Variants in AP3D1 observed in about 807,000 individuals in gnomAD.
AP3D1 encodes the protein adaptor related protein complex 3 subunit delta 1, also known as AP-3 complex subunit delta-1.
Under a neutral mutation model 147.6 loss-of-function variants are expected in AP3D1, and 51 were observed. The ratio of observed to expected loss-of-function variants is 0.35; its 90% CI spans 0.28 to 0.44. The LOEUF (loss-of-function observed/expected upper bound fraction) is 0.44, where lower values mean the gene tolerates loss of function less well. Among genes scored for constraint, AP3D1 ranks in the 20% least tolerant of loss-of-function variants. The pLI, the probability that AP3D1 is intolerant of heterozygous loss-of-function variation, is 1.00. For synonymous variants in AP3D1, 760 were observed against 663.0 expected (o/e 1.15, Z -2.25); for missense variants, 1,421 against 1,624.2 (o/e 0.87, Z 2.15).
At position 2,111,961 on chromosome 19, in the gene AP3D1, C is replaced by T. The variant is rs1219780877; in HGVS notation, c.2788-133G>A. 1.6e-5 allele frequency: 23 copies of T among 1,423,232 alleles called. No homozygotes were observed. In the East Asian group the frequency reaches 5.1e-4, roughly 32 times the overall value. 88.2% of individuals were successfully genotyped at this position (1,423,232 alleles called of 1,614,324 possible). A position where few individuals can be genotyped will look rare whatever the true frequency, so the allele number is the denominator to read the frequency against. On this transcript the variant is annotated intron_variant, in intron 24 of 31. Coordinates refer to ENST00000643116, the MANE Select transcript of AP3D1 (RefSeq NM_001261826.3). ...TGCCTGGGTGGGATGGCAGGACCAG[C>T]CACGCCTCAGGCCTACCGGGACAAG...
At chr19:2,145,725 C>T (rs989387138) in intron 1 of AP3D1, among the ~76,000 whole-genome samples, 1 of 152,176 alleles carries the variant, frequency 6.6e-6, no homozygotes, top group African/African-American at 2.4e-5. Context: ...ACATGCCCCT[C>T]CAGGACCCAC....
chr19:2,152,796 AACC>A (rs1368546060), upstream of AP3D1, among the ~76,000 whole-genome samples: 13 of 151,738 alleles, frequency 8.6e-5, 1 homozygote. Flanking sequence ...GAATCTCTTG[AACC>A]CAGGAGGCAG....
At chr19:2,158,639 CTT>C (rs1412831844) in intron 1 of AP3D1, among the ~76,000 whole-genome samples, 1 of 150,394 alleles carries the variant, frequency 6.6e-6, no homozygotes, top group African/African-American at 2.5e-5. Context: ...GAGATTCGCT[CTT>C]GTCACCCAGG....
upstream of AP3D1, among the ~76,000 whole-genome samples, chr19:2,152,093 A>C (rs1431938694): frequency 6.6e-6 from 1 of 152,270 alleles, no homozygotes; most frequent in Non-Finnish European, 1.5e-5. Context: ...AAATGAGGCC[A>C]GAGACAGGAC....
chr19:2,142,768 C>CT (rs2019255806), intron 1 of AP3D1, among the ~76,000 whole-genome samples: 19 of 141,680 alleles, frequency 1.3e-4, no homozygotes, highest in African/African-American at 5.0e-4. Context: ...TTTTTTTTTT[C>CT]TTTTTTTATT....
chr19:2,131,749 G>A (rs1429101987), intron 5 of AP3D1, among the ~76,000 whole-genome samples: 5 of 127,084 alleles, frequency 3.9e-5, no homozygotes, highest in Admixed American at 2.3e-4. Flanking sequence ...CATCGGCCAC[G>A]ATCTAGACAC....
chr19:2,147,894 A>G (rs1388454726), intron 1 of AP3D1, among the ~76,000 whole-genome samples: 3 of 144,924 alleles, frequency 2.1e-5, no homozygotes, highest in African/African-American at 7.7e-5. Context: ...AAAAAAAAAA[A>G]GAAAAAAAGG....
upstream of AP3D1, among the ~76,000 whole-genome samples, chr19:2,155,147 C>T (rs2019634766): frequency 6.6e-6 from 1 of 151,998 alleles, no homozygotes; most frequent in Non-Finnish European, 1.5e-5. Context: ...CGCCATTGCA[C>T]TCCAGCCTGG....
At position 2,105,694 on chromosome 19, in the gene AP3D1, C is replaced by T. The variant is rs112815790; in HGVS notation, c.3552+2993G>A. ...GTGTGAGTGTCTTTAATTCCTCTAG[C>T]GCCACTGGGTTAGGGTCTCCCTGAC... On this transcript the variant is annotated intron_variant, in intron 31 of 31. Coordinates refer to ENST00000643116, the MANE Select transcript of AP3D1 (RefSeq NM_001261826.3). 6.6e-5 allele frequency among the ~76,000 whole-genome samples: 10 copies of T among 152,246 alleles called. 1 individual carries two copies. Among genetic ancestry groups the T allele is most frequent in the Non-Finnish European group, 1.0e-4 (7 of 68,018 alleles).
In AP3D1 at chr19:2,116,623, G is replaced by A. The variant is rs758304730; in HGVS notation, c.1983C>T (p.Asp661=). Residue 661 remains aspartate (D), a synonymous_variant, in exon 17 of 32, where the codon GAC becomes GAT. Coordinates refer to ENST00000643116, the MANE Select transcript of AP3D1 (RefSeq NM_001261826.3). ...RRPKHRPSEA[D]EEELARRREA... is the part of the protein sequence containing the mutation. ...AGCTCACCCGAGCCAGCTCTTCCTC[G>A]TCCGCCTCCGACGGCCGGTGCTTGG... 1.6e-5 allele frequency: 26 copies of A among 1,598,112 alleles called. No homozygotes were observed. The highest frequency in any genetic ancestry group is 9.4e-5 in the African/African-American group (7 of 74,708).
chr19:2,110,115 G>T (rs199856286), intron 28 of AP3D1, 21 bp downstream of exon 28: 3 of 1,609,438 alleles, frequency 1.9e-6, no homozygotes, highest in Non-Finnish European at 1.7e-6. Context: ...GCTCTTCAAC[G>T]CCAAGTGGAG....
intron 8 of AP3D1, among the ~76,000 whole-genome samples, chr19:2,127,699 A>AT (rs1015952094): frequency 6.6e-6 from 1 of 152,012 alleles, no homozygotes; most frequent in African/African-American, 2.4e-5. Flanking sequence ...TAATTTTTGT[A>AT]TTTTTTAGGT....
intron 1 of AP3D1, among the ~76,000 whole-genome samples, chr19:2,161,213 G>C (rs2144608187): frequency 6.8e-6 from 1 of 147,352 alleles, no homozygotes; most frequent in South Asian, 2.2e-4. Flanking sequence ...TCAGGCTGGA[G>C]TGCAGTGGCA....
intron 1 of AP3D1, among the ~76,000 whole-genome samples, chr19:2,157,441 CAAAAA>C (rs137939397): frequency 2.0e-5 from 2 of 101,128 alleles, no homozygotes; most frequent in East Asian, 3.2e-4. Flanking sequence ...GACTCCGTCT[CAAAAA>C]AAAAAAAAAA....
At chr19:2,133,543 C>G (rs1452362972) in intron 4 of AP3D1, 2 of 151,668 alleles carry the variant, frequency 1.3e-5, no homozygotes, top group Non-Finnish European at 2.9e-5. Flanking sequence ...CTCACTCTGT[C>G]CCCCAGGCTG....
chr19:2,130,640 C>T (rs895871743), intron 5 of AP3D1, 103 bp from the exon 6 acceptor site: 29 of 1,536,436 alleles, frequency 1.9e-5, no homozygotes, highest in African/African-American at 8.2e-5. Context: ...CCCTCCAGCC[C>T]GACGCTGTGG....
intron 4 of AP3D1, 28 bp from the exon 5 acceptor site, chr19:2,132,606 C>A (rs772195783): frequency 5.0e-6 from 8 of 1,584,772 alleles, no homozygotes; most frequent in Non-Finnish European, 6.9e-6. Context: ...GGGGCCGTGG[C>A]CAGGATGCCC....
At chr19:2,110,989 G>A (rs1195576334) in intron 26 of AP3D1, 93 bp from the exon 27 acceptor site, 19 of 1,373,434 alleles carry the variant, frequency 1.4e-5, no homozygotes, top group Middle Eastern at 5.1e-4. Flanking sequence ...GAGGCAGCAG[G>A]GGTCCCACAG....
At chr19:2,121,415 C>A in intron 12 of AP3D1, 104 bp from the exon 13 acceptor site, 1 of 1,411,444 alleles carries the variant, frequency 7.1e-7, no homozygotes, top group South Asian at 1.3e-5. Context: ...GGGACACAGG[C>A]GGACCCGGAT....
Sources: allele counts gnomAD v4.1 joint callset (sites outside exome capture counted in the v4.1 genomes callset), GRCh38; gene constraint gnomAD v4.1.1; transcripts MANE v1.5; gene names NCBI Gene and HGNC (gene_info 2026-07-23, HGNC 2026-07-21).